The following ADGRL2 variants were observed in gnomAD, a reference collection of about 807,000 sequenced individuals.
The protein encoded by ADGRL2 is calcium-independent alpha-latrotoxin receptor 2.
Under a neutral mutation model 157.4 loss-of-function variants are expected in ADGRL2, and 44 were observed. The ratio of observed to expected loss-of-function variants is 0.28; its 90% confidence interval spans 0.22 to 0.36. The LOEUF (loss-of-function observed/expected upper bound fraction) is 0.36, where lower values mean the gene tolerates loss of function less well. Ranked by LOEUF, ADGRL2 falls within the 10% of genes least tolerant of loss-of-function variation. The probability of loss-of-function intolerance (pLI) is 1.00; values close to 1 mark genes in which losing one functional copy is unlikely to be tolerated. For missense variants in ADGRL2, 1,510 were observed against 1,768.9 expected (o/e 0.85, Z 2.63); for synonymous variants, 585 against 624.7 (o/e 0.94, Z 0.95).
intron 1 of ADGRL2, among the ~76,000 whole-genome samples, chr1:81,832,737 T>C (rs867023303): frequency 2.4e-4 from 37 of 152,274 alleles, no homozygotes; most frequent in African/African-American, 8.7e-4. Context: ...CCTATCCATG[T>C]GAAGAAAAGA....
chr1:81,679,428 T>C (rs1162441596), intron 3 of ADGRL2, among the ~76,000 whole-genome samples: 1 of 152,078 alleles, frequency 6.6e-6, no homozygotes, highest in Non-Finnish European at 1.5e-5. Flanking sequence ...AACAGGATTC[T>C]TTTAAAGTAA....
chr1:81,489,378 G>A (rs543991770), intron 2 of ADGRL2, among the ~76,000 whole-genome samples: 1 of 152,086 alleles, frequency 6.6e-6, no homozygotes, highest in East Asian at 1.9e-4. Flanking sequence ...AGAAGAATCA[G>A]CAAACTTGAA....
intron 1 of ADGRL2, among the ~76,000 whole-genome samples, chr1:81,365,393 C>T (rs887726150): frequency 1.3e-5 from 2 of 151,766 alleles, no homozygotes; most frequent in Non-Finnish European, 2.9e-5. Context: ...TCTTGTATTG[C>T]ACTTTCATTC....
At chr1:81,696,558 C>T (rs1457240221), upstream of ADGRL2, among the ~76,000 whole-genome samples, 2 of 152,082 alleles carry the variant, frequency 1.3e-5, no homozygotes, top group Non-Finnish European at 2.9e-5. Flanking sequence ...AGAGATCATC[C>T]TGGCTAACAC....
At chr1:81,556,947 C>T (rs12745179) in intron 2 of ADGRL2, among the ~76,000 whole-genome samples, 1 of 149,534 alleles carries the variant, frequency 6.7e-6, no homozygotes, top group Admixed American at 6.7e-5. Flanking sequence ...GGCGTGGTGT[C>T]GTATGCCTGT....
At chr1:81,581,874 G>GCGCACACA (rs1491219557) in intron 3 of ADGRL2, among the ~76,000 whole-genome samples, 54 of 83,554 alleles carry the variant, frequency 6.5e-4, no homozygotes, top group African/African-American at 1.2e-3. Flanking sequence ...ACACATGCGC[G>GCGCACACA]CACACACACA....
intron 2 of ADGRL2, among the ~76,000 whole-genome samples, chr1:81,479,777 T>C (rs1353695636): frequency 1.3e-5 from 2 of 152,204 alleles, no homozygotes; most frequent in Non-Finnish European, 2.9e-5. Flanking sequence ...TCTGAGCGAA[T>C]TTAACCAGGA....
intron 2 of ADGRL2, among the ~76,000 whole-genome samples, chr1:81,792,661 CAT>C (rs948178301): frequency 7.2e-5 from 11 of 152,130 alleles, no homozygotes; most frequent in South Asian, 2.1e-4. Context: ...AATACTTTCT[CAT>C]GTGCTTATTT....
chr1:81,502,076 G>T, intron 2 of ADGRL2: 20 of 1,598,332 alleles, frequency 1.3e-5, no homozygotes, highest in Non-Finnish European at 1.7e-5. Flanking sequence ...CGGAGGTTTG[G>T]AAGATGAGGA....
chr1:81,337,100 C>G (rs1041082868), intron 1 of ADGRL2, among the ~76,000 whole-genome samples: 3 of 152,204 alleles, frequency 2.0e-5, no homozygotes, highest in Non-Finnish European at 4.4e-5. Flanking sequence ...CAGGGGAAGA[C>G]TAGCTTCCCA....
At position 81,951,140 on chromosome 1, in the gene ADGRL2, A is replaced by T. The variant is rs777683623; in HGVS notation, c.1608+19A>T. ...TCAGAAGGTTGGTTGGAACCTTTTA[A>T]TATGACACATTGGTGATTTAGGGCA... is the stretch of plus-strand genomic sequence containing the variant. On this transcript the variant is annotated intron_variant, in intron 8 of 23. Coordinates refer to ENST00000686636, the MANE Select transcript of ADGRL2 (RefSeq NM_001366006.2). 6 of 1,499,594 alleles carry T rather than the reference A, an allele frequency of 4.0e-6. No individual in the cohort carries two copies. The South Asian group carries it at 6.8e-5, about 17-fold the overall frequency. The allele number at this position is 1,499,594 out of a possible 1,614,324, so 92.9% of individuals were successfully genotyped here.
chr1:81,475,684 T>C (rs2078258410), intron 2 of ADGRL2, among the ~76,000 whole-genome samples: 1 of 151,918 alleles, frequency 6.6e-6, no homozygotes, highest in African/African-American at 2.4e-5. Flanking sequence ...GGGGAGGAGA[T>C]GGACAGAGAA....
At chr1:81,921,376 A>AT (rs1296995308) in intron 3 of ADGRL2, among the ~76,000 whole-genome samples, 1 of 152,224 alleles carries the variant, frequency 6.6e-6, no homozygotes, top group Non-Finnish European at 1.5e-5. Flanking sequence ...CGTGTAAAAA[A>AT]TTTTAAAATT....
At chr1:81,719,920 T>C (rs1197014051) in intron 1 of ADGRL2, among the ~76,000 whole-genome samples, 1 of 152,184 alleles carries the variant, frequency 6.6e-6, no homozygotes, top group African/African-American at 2.4e-5. Flanking sequence ...GGAGAAAACA[T>C]GATTTTGTGG....
chr1:81,489,150 T>A (rs1182027680), intron 2 of ADGRL2, among the ~76,000 whole-genome samples: 2 of 151,946 alleles, frequency 1.3e-5, no homozygotes, highest in Non-Finnish European at 2.9e-5. Flanking sequence ...GGCAGGAGAA[T>A]CACTTGAACC....
intron 1 of ADGRL2, among the ~76,000 whole-genome samples, chr1:81,723,826 A>ATT (rs374680082): frequency 3.3e-5 from 5 of 151,300 alleles, no homozygotes; most frequent in East Asian, 1.9e-4. Flanking sequence ...TGGTGAAGGG[A>ATT]TTTTTTTTTG....
At chr1:81,751,289 T>C (rs182777627) in intron 1 of ADGRL2, among the ~76,000 whole-genome samples, 3 of 152,254 alleles carry the variant, frequency 2.0e-5, no homozygotes, top group East Asian at 3.9e-4. Flanking sequence ...AATATACTTA[T>C]GAAAAGGAGG....
intron 1 of ADGRL2, among the ~76,000 whole-genome samples, chr1:81,809,418 TA>T (rs1056136804): frequency 6.6e-6 from 1 of 151,944 alleles, no homozygotes; most frequent in African/African-American, 2.4e-5. Context: ...TTAAATCTGA[TA>T]AAAAAAGAGA....
At chr1:81,497,127 A>AT (rs1360935065) in intron 2 of ADGRL2, among the ~76,000 whole-genome samples, 2 of 152,126 alleles carry the variant, frequency 1.3e-5, no homozygotes, top group Admixed American at 6.6e-5. Flanking sequence ...GTGCAGCAAG[A>AT]TTTTTTGCCA....
Sources: allele counts gnomAD v4.1 joint callset (sites outside exome capture counted in the v4.1 genomes callset), GRCh38; gene constraint gnomAD v4.1.1; transcripts MANE v1.5; gene names NCBI Gene and HGNC (gene_info 2026-07-23, HGNC 2026-07-21).